Variants in CAMK1D observed in about 807,000 individuals in gnomAD.
CAMK1D encodes calcium/calmodulin-dependent protein kinase type 1D.
CAMK1D carries 9 observed loss-of-function variants against 47.7 expected under a neutral mutation model. The observed-to-expected ratio is 0.19, with a 90% CI of 0.11 to 0.33. The LOEUF is 0.33. Among genes scored for constraint, CAMK1D ranks in the 10% least tolerant of loss-of-function variants. The pLI, the probability that CAMK1D is intolerant of heterozygous loss-of-function variation, is 1.00. For synonymous variants in CAMK1D, 184 were observed against 184.9 expected (o/e 0.99, Z 0.04); for missense variants, 291 against 488.7 (o/e 0.60, Z 3.81).
chr10:12,751,509 G>T (rs750319321), intron 3 of CAMK1D, among the ~76,000 whole-genome samples: 2 of 152,200 alleles, frequency 1.3e-5, no homozygotes, highest in Admixed American at 6.5e-5. Context: ...AATGAGGCAG[G>T]CATTGCCCTG....
chr10:12,501,869 T>C (rs1025492156), intron 1 of CAMK1D, among the ~76,000 whole-genome samples: 12 of 152,108 alleles, frequency 7.9e-5, no homozygotes, highest in African/African-American at 2.2e-4. Flanking sequence ...CAAAAGCCAT[T>C]TGATGCTTTT....
intron 1 of CAMK1D, among the ~76,000 whole-genome samples, chr10:12,426,039 T>G (rs183737874): frequency 1.3e-5 from 2 of 152,342 alleles, no homozygotes; most frequent in African/African-American, 4.8e-5. Context: ...TTAGCTGATC[T>G]TGGTATTATT....
chr10:12,764,741 C>T (rs957157342), intron 4 of CAMK1D, among the ~76,000 whole-genome samples: 11 of 152,154 alleles, frequency 7.2e-5, no homozygotes, highest in Non-Finnish European at 1.2e-4. Context: ...CGAGCATTCC[C>T]GCCCCTTTTC....
chr10:12,438,261 C>T (rs1832690331), intron 1 of CAMK1D, among the ~76,000 whole-genome samples: 1 of 152,082 alleles, frequency 6.6e-6, no homozygotes, highest in Non-Finnish European at 1.5e-5. Flanking sequence ...GGGACCTTTT[C>T]CTTTTGTTTT....
chr10:12,364,679 A>T (rs111462823), intron 1 of CAMK1D, among the ~76,000 whole-genome samples: 2 of 151,964 alleles, frequency 1.3e-5, no homozygotes, highest in African/African-American at 4.8e-5. Flanking sequence ...GAAGAGAAGG[A>T]GGCCATTGGA....
intron 1 of CAMK1D, among the ~76,000 whole-genome samples, chr10:12,492,732 C>T (rs958694294): frequency 2.6e-5 from 4 of 152,328 alleles, no homozygotes; most frequent in East Asian, 3.9e-4. Context: ...CCACAGGACC[C>T]GAGGGCAGAT....
chr10:12,696,711 A>G (rs535236803), intron 3 of CAMK1D, among the ~76,000 whole-genome samples: 18 of 152,354 alleles, frequency 1.2e-4, no homozygotes, highest in African/African-American at 3.6e-4. Context: ...GCAATTCTTG[A>G]TGTTCTTCTT....
At chr10:12,376,729 C>T (rs1301244423) in intron 1 of CAMK1D, among the ~76,000 whole-genome samples, 12 of 151,758 alleles carry the variant, frequency 7.9e-5, no homozygotes, top group Admixed American at 7.9e-4. Flanking sequence ...AGAGGAATGG[C>T]CTTAGTAACC....
At chr10:12,517,838 A>G (rs537942322) in intron 1 of CAMK1D, among the ~76,000 whole-genome samples, 1 of 152,290 alleles carries the variant, frequency 6.6e-6, no homozygotes, top group South Asian at 2.1e-4. Context: ...TTATATTCCT[A>G]CCAGCAGTGT....
At chr10:12,704,748 T>C (rs1588826573) in intron 3 of CAMK1D, among the ~76,000 whole-genome samples, 1 of 152,196 alleles carries the variant, frequency 6.6e-6, no homozygotes, top group Non-Finnish European at 1.5e-5. Context: ...GTGGTTTCTG[T>C]CATTCCTTTA....
intron 1 of CAMK1D, among the ~76,000 whole-genome samples, chr10:12,486,951 A>G (rs1198881341): frequency 6.6e-6 from 1 of 152,238 alleles, no homozygotes; most frequent in African/African-American, 2.4e-5. Flanking sequence ...AAATGTAAAA[A>G]TAAAAAAATT....
At chr10:12,758,846 A>C (rs1352777603) in intron 3 of CAMK1D, among the ~76,000 whole-genome samples, 1 of 152,072 alleles carries the variant, frequency 6.6e-6, no homozygotes, top group Non-Finnish European at 1.5e-5. Flanking sequence ...AGAGGAGAGG[A>C]GGCAGTAGCA....
At chr10:12,766,719 A>G (rs1836781148) in intron 4 of CAMK1D, among the ~76,000 whole-genome samples, 1 of 151,994 alleles carries the variant, frequency 6.6e-6, no homozygotes, top group South Asian at 2.1e-4. Context: ...ATGCCGAATT[A>G]CCTTGGCCTG....
intron 3 of CAMK1D, among the ~76,000 whole-genome samples, chr10:12,753,749 T>C (rs1318467480): frequency 6.6e-6 from 1 of 152,176 alleles, no homozygotes; most frequent in Non-Finnish European, 1.5e-5. Context: ...CTAACCCTTC[T>C]CTCATGGCCT....
intron 2 of CAMK1D, among the ~76,000 whole-genome samples, chr10:12,571,892 C>T (rs1454873189): frequency 2.1e-5 from 3 of 140,098 alleles, no homozygotes. Context: ...GTATTCCCTT[C>T]CCTCTAAAAC....
At chr10:12,782,991 TTTTTG>T (rs369994219) in intron 5 of CAMK1D, among the ~76,000 whole-genome samples, 28,382 of 144,406 alleles carry the variant, frequency 0.2, 2,886 homozygotes, top group East Asian at 0.42. Flanking sequence ...GTTTTTTTTT[TTTTTG>T]TTTTTTTTTT....
At chr10:12,594,452 A>G (rs909123297) in intron 2 of CAMK1D, among the ~76,000 whole-genome samples, 3 of 152,070 alleles carry the variant, frequency 2.0e-5, no homozygotes. Context: ...TTTCACTTGT[A>G]TTTTTCTTGC....
intron 2 of CAMK1D, 44 bp downstream of exon 2, chr10:12,553,400 C>A: frequency 6.7e-7 from 1 of 1,498,454 alleles, no homozygotes; most frequent in Non-Finnish European, 9.3e-7. Flanking sequence ...TACCTCCTGG[C>A]CCGTGTGTCC....
chr10:12,662,019 A>G (rs577899806), intron 2 of CAMK1D, among the ~76,000 whole-genome samples: 15 of 152,334 alleles, frequency 9.8e-5, no homozygotes, highest in Admixed American at 1.3e-4. Flanking sequence ...CACAGGCTAG[A>G]TGATAGTACT....
Sources: gnomAD v4.1 joint callset for allele counts (sites outside exome capture counted in the v4.1 genomes callset) on GRCh38, gnomAD v4.1.1 for gene constraint, MANE v1.5 for transcripts, NCBI Gene and HGNC (gene_info 2026-07-23, HGNC 2026-07-21) for gene names.